NOC3L: variants seen among roughly 807,000 people sequenced by gnomAD.
NOC3L encodes the protein nucleolar complex protein 3 homolog.
A neutral mutation model predicts 102.5 loss-of-function variants in NOC3L; 85 were observed. The observed-to-expected ratio is 0.83, with a 90% CI of 0.70 to 0.99. NOC3L has a LOEUF of 0.99. Ranked by LOEUF, NOC3L falls within the 50% of genes least tolerant of loss-of-function variation. The probability of loss-of-function intolerance (pLI) is 0.00; values close to 1 mark genes in which losing one functional copy is unlikely to be tolerated. For synonymous variants in NOC3L, 303 were observed against 309.4 expected, an observed-to-expected ratio of 0.98 and a Z score of 0.22; for missense variants, 878 against 914.9, an observed-to-expected ratio of 0.96 and a Z score of 0.52.
the NOC3L span, among the ~76,000 whole-genome samples, chr10:94,319,961 C>T: frequency 1.3e-5 from 2 of 149,888 alleles, no homozygotes; most frequent in Non-Finnish European, 3.0e-5. Context: ...ATTCCGCCTC[C>T]CGGGTTCACA....
At chr10:94,315,193 A>T in the NOC3L span, 3 of 325,520 alleles carry the variant, frequency 9.2e-6, no homozygotes, top group Admixed American at 1.2e-4. Flanking sequence ...TTATAGACCA[A>T]GGGCTGGGGT....
rs548650034 is a variant in NOC3L, at chr10:94,348,527, T to C, written c.1257+723A>G. 9.9e-5 allele frequency among the ~76,000 whole-genome samples: 15 copies of C among 152,146 alleles called. No homozygotes were observed. The East Asian group carries it at 2.9e-3, about 29-fold the overall frequency. ...TAGCAGTTATTTATTAAAATGAATATGTACTAAAAACTCATCACAAGTCAT... is the reference window on the plus strand; with the variant it reads ...TAGCAGTTATTTATTAAAATGAATACGTACTAAAAACTCATCACAAGTCAT... On this transcript the variant is annotated intron_variant, in intron 10 of 20. Coordinates refer to ENST00000371361, the MANE Select transcript of NOC3L (RefSeq NM_022451.11).
the NOC3L span, among the ~76,000 whole-genome samples, chr10:94,326,867 C>G: frequency 6.6e-6 from 1 of 152,126 alleles, no homozygotes; most frequent in African/African-American, 2.4e-5. Context: ...TTGCTTAAAG[C>G]TGGGGAGGCC....
the NOC3L span, chr10:94,324,232 G>C: frequency 2.4e-6 from 2 of 820,254 alleles, no homozygotes; most frequent in Admixed American, 3.4e-5. Context: ...AAATGATCTG[G>C]AAGATCCCCT....
At chr10:94,348,308 T>C (rs2054371047) in intron 10 of NOC3L, among the ~76,000 whole-genome samples, 1 of 151,694 alleles carries the variant, frequency 6.6e-6, no homozygotes, top group Middle Eastern at 3.2e-3. Flanking sequence ...GAGGAGACTA[T>C]GTGCATAACA....
chr10:94,350,826 G>C (rs78645799), intron 8 of NOC3L, among the ~76,000 whole-genome samples: 2,615 of 151,700 alleles, frequency 0.017, 95 homozygotes, highest in African/African-American at 0.06. Context: ...AGTCAATTGA[G>C]CATTTGAAAT....
At chr10:94,336,578 C>T (rs1328621677) in intron 19 of NOC3L, among the ~76,000 whole-genome samples, 5 of 151,536 alleles carry the variant, frequency 3.3e-5, no homozygotes, top group Admixed American at 2.6e-4. Flanking sequence ...GAACTCCTGA[C>T]CTCAGGTGAT....
chr10:94,316,389 A>T, the NOC3L span, among the ~76,000 whole-genome samples: 1 of 152,214 alleles, frequency 6.6e-6, no homozygotes, highest in Non-Finnish European at 1.5e-5. Context: ...ATCCATTCTG[A>T]ACATAAGAGA....
the NOC3L span, chr10:94,327,950 C>G: frequency 7.5e-6 from 4 of 530,824 alleles, no homozygotes; most frequent in African/African-American, 1.9e-5. Context: ...TAATAAGCCT[C>G]TGTATACAAC....
chr10:94,355,768 GT>G (rs199854686), intron 5 of NOC3L, among the ~76,000 whole-genome samples: 3 of 151,176 alleles, frequency 2.0e-5, no homozygotes, highest in African/African-American at 4.9e-5. Flanking sequence ...ATCCTATTTA[GT>G]TTTTTTTTAA....
At chr10:94,357,539 A>C in intron 3 of NOC3L, 1 of 375,142 alleles carries the variant, frequency 2.7e-6, no homozygotes, top group East Asian at 4.1e-5. Flanking sequence ...TACAAACTCA[A>C]ACTTTGGCTA....
At chr10:94,361,637 C>T in intron 2 of NOC3L, 28 bp downstream of exon 2, 1 of 1,596,744 alleles carries the variant, frequency 6.3e-7, no homozygotes, top group South Asian at 1.1e-5. Flanking sequence ...TCAATGGAAA[C>T]CAGAGCACAT....
chr10:94,335,168 A>G (rs1026613265), intron 19 of NOC3L, among the ~76,000 whole-genome samples: 9 of 152,212 alleles, frequency 5.9e-5, no homozygotes, highest in African/African-American at 2.2e-4. Flanking sequence ...GTCTATACCC[A>G]TGGCGTGTAA....
intron 2 of NOC3L, chr10:94,361,354 A>T: frequency 6.4e-6 from 2 of 312,192 alleles, no homozygotes; most frequent in African/African-American, 2.1e-5. Flanking sequence ...AAGTGGCAGC[A>T]CTGGCACACT....
At position 94,361,680 on chromosome 10, in the gene NOC3L, T is replaced by C. The variant is rs2054552692; in HGVS notation, c.202A>G (p.Lys68Glu). The C allele has an allele frequency of 6.2e-7, 1 of 1,613,872 alleles. No homozygotes were observed. Among genetic ancestry groups the C allele is most frequent in the South Asian group, 1.1e-5 (1 of 91,006 alleles). The change falls in exon 2 of 21, where the codon AAG becomes GAG. Residue 68 changes from lysine (K) to glutamate (E), a missense_variant. Coordinates refer to ENST00000371361, the MANE Select transcript of NOC3L (RefSeq NM_022451.11). ...TCACAATTACCTGGTCGCTTTTCCT[T>C]TGGGTTCTCCAATGGAATGGGTTTC... ...SKKPIPLENPKEKRPGKRIER... is the reference protein window; with the variant it reads ...SKKPIPLENPEEKRPGKRIER...
Position 94,361,887 on chromosome 10 carries a change from A to G in NOC3L, c.10-15T>C, listed in dbSNP as rs2054555813. 2.6e-6 allele frequency: 4 copies of G among 1,555,580 alleles called. No homozygotes were observed. The highest frequency in any genetic ancestry group is 3.5e-6 in the Non-Finnish European group (4 of 1,131,300). On this transcript the variant is annotated splice_polypyrimidine_tract_variant and intron_variant, in intron 1 of 20. Coordinates refer to ENST00000371361, the MANE Select transcript of NOC3L (RefSeq NM_022451.11). ...TTATTTCTTCTCTAGAAAATAACAG[A>G]AAGAATACTGCATACCCAGAAACTT...
rs1036288330 is a variant in NOC3L, at chr10:94,337,299, T to A, written c.2189+478A>T. Among the ~76,000 whole-genome samples, 4 of 150,838 alleles carry A rather than the reference T, an allele frequency of 2.7e-5. No individual in the cohort carries two copies. The East Asian group carries it at 7.8e-4, about 29-fold the overall frequency. On this transcript the variant is annotated intron_variant, in intron 19 of 20. Transcript: ENST00000371361. ...CTGGATGGCAGTGTTCCAAAGCACC[T>A]CTTTTCTTCCCTCTCCTCATTTTTT...
intron 20 of NOC3L, 97 bp downstream of exon 20, chr10:94,334,537 A>G: frequency 1.1e-6 from 1 of 879,804 alleles, no homozygotes; most frequent in South Asian, 1.6e-5. Flanking sequence ...ATTAAAAAAA[A>G]AACTACCTAT....
chr10:94,325,119 T>C, the NOC3L span: 1 of 1,547,464 alleles, frequency 6.5e-7, no homozygotes, highest in Non-Finnish European at 8.9e-7. Flanking sequence ...AGTAAGTCAT[T>C]GCACCATCCT....
Sources: gnomAD v4.1 joint callset for allele counts (sites outside exome capture counted in the v4.1 genomes callset) on GRCh38, gnomAD v4.1.1 for gene constraint, MANE v1.5 for transcripts, NCBI Gene and HGNC (gene_info 2026-07-23, HGNC 2026-07-21) for gene names.